MUC6: variants seen among roughly 807,000 people sequenced by gnomAD.
The protein encoded by MUC6 is mucin-6.
In MUC6, 188 loss-of-function variants were observed where a neutral mutation model predicts 201.5. The observed-to-expected ratio is 0.93, with a 90% CI of 0.83 to 1.05. MUC6 has a LOEUF of 1.05. MUC6 is among the 50% of genes least tolerant of loss of function. MUC6 has a pLI of 0.00. For synonymous variants in MUC6, 1,228 were observed against 1,389.4 expected, an observed-to-expected ratio of 0.88 and a Z score of 2.58; for missense variants, 2,706 against 3,256.9, an observed-to-expected ratio of 0.83 and a Z score of 4.12.
Position 1,030,949 on chromosome 11 carries a change from G to A in MUC6, c.682C>T (p.His228Tyr). 2 of 1,570,118 alleles carry A rather than the reference G, an allele frequency of 1.3e-6. No homozygotes were observed. The highest frequency in any genetic ancestry group is 1.2e-5 in the South Asian group (1 of 85,368). ...IPSTHVRQAQ[H>Y]ARICTQLLTL... Reference sequence around the variant, plus strand: ...CCACCTGGAGCCCCCTTGCTTACGTGCTGGGCCTGCCGGACGTGGGTGCTG... The same window carrying A: ...CCACCTGGAGCCCCCTTGCTTACGTACTGGGCCTGCCGGACGTGGGTGCTG... The change falls in exon 6 of 33, where the codon CAC (histidine) becomes TAC (tyrosine). Residue 228 changes from histidine to tyrosine, a missense_variant and splice_region_variant. His to Tyr is a moderately conservative substitution (Grantham distance 83). Coordinates refer to ENST00000421673, the MANE Select transcript of MUC6 (RefSeq NM_005961.3).
intron 31 of MUC6, among the ~76,000 whole-genome samples, chr11:1,014,222 G>A (rs1856549885): frequency 1.3e-5 from 2 of 152,248 alleles, no homozygotes; most frequent in Admixed American, 1.3e-4. Flanking sequence ...TCGCTCTGCT[G>A]GAGTCCATAA....
In MUC6 at chr11:1,020,701, G is replaced by T; in HGVS notation, c.3623C>A (p.Pro1208Gln). The stretch of plus-strand genomic sequence containing the variant: ...GCAATTACCTGTGGTGGGCAGCTGC[G>T]GCGTGGTGGGTGGCTGCGGCGTGGT... ...PPTTPQPPTTPQLPTTGSRPT... is the reference protein window; with the variant it reads ...PPTTPQPPTTQQLPTTGSRPT... The change falls in exon 28 of 33, where the codon CCG (proline) becomes CAG (glutamine). Residue 1208 changes from proline (P) to glutamine (Q), a missense_variant. Pro to Gln is a moderately conservative substitution (Grantham distance 76, BLOSUM62 -1). This residue lies in a region of MUC6 where 1,850 missense variants were observed against 1,958.3 expected (regional missense o/e 0.94). Coordinates refer to ENST00000421673, the MANE Select transcript of MUC6 (RefSeq NM_005961.3). 1 of 1,613,394 alleles carries T rather than the reference G, an allele frequency of 6.2e-7. No individual in the cohort carries two copies.
At position 1,024,927 on chromosome 11, in the gene MUC6, T is replaced by G. The variant is rs763788640; in HGVS notation, c.3142A>C (p.Ser1048Arg). ...CAGGAGCGCCGGAAGGCATTGAGACTGCAGGGGTCTGTCACGAAGCTCACG... is the reference window on the plus strand; with the variant it reads ...CAGGAGCGCCGGAAGGCATTGAGACGGCAGGGGTCTGTCACGAAGCTCACG... ...GDVSFVTDPC[S>R]LNAFRRSWAE... Residue 1048 changes from serine (S) to arginine (R), a missense_variant, in exon 24 of 33, where the codon AGT becomes CGT. Around this residue, in one of 10 missense-constraint regions of MUC6, gnomAD observed 1,850 missense variants for 1,958.3 expected, o/e 0.94. Transcript: ENST00000421673. 3.7e-5 allele frequency: 59 copies of G among 1,612,818 alleles called. No homozygotes were observed. Among genetic ancestry groups the G allele is most frequent in the Admixed American group, 1.5e-4 (9 of 60,008 alleles).
Position 1,033,132 on chromosome 11 carries a change from C to T in MUC6, c.53-57G>A, listed in dbSNP as rs377219398. On this transcript the variant is annotated intron_variant, in intron 1 of 32. Coordinates refer to ENST00000421673, the MANE Select transcript of MUC6 (RefSeq NM_005961.3). The surrounding 1 kb of genome is among the most constrained non-coding windows in gnomAD (Gnocchi z 5.6). ...GCTACCCCGTCGTCCCTGAGGGCGCCGCTCACCTCTGCTCAGGGCTGCTCC... is the reference window on the plus strand; with the variant it reads ...GCTACCCCGTCGTCCCTGAGGGCGCTGCTCACCTCTGCTCAGGGCTGCTCC... 1.8e-4 allele frequency: 283 copies of T among 1,535,876 alleles called. No homozygotes were observed. The Middle Eastern group carries it at 2.4e-3, about 13-fold the overall frequency.
intron 29 of MUC6, among the ~76,000 whole-genome samples, chr11:1,019,727 G>A (rs1856765741): frequency 6.6e-6 from 1 of 152,142 alleles, no homozygotes; most frequent in African/African-American, 2.4e-5. Flanking sequence ...CTGCTCCTGC[G>A]CCCACCCTTG....
chr11:1,018,629 G>A lies in MUC6; in HGVS notation c.4172C>T (p.Thr1391Ile), dbSNP rs763396011. ...TRPTATETTQ[T>I]RTTTEYTTPQ... ...CGTTGTGTATTCAGTAGTCGTTCTT[G>A]TTTGAGTGGTCTCTGTGGCTGTGGG... The change falls in exon 31 of 33, where the codon ACA becomes ATA. Residue 1391 changes from threonine to isoleucine, a missense_variant. Around this residue, in one of 10 missense-constraint regions of MUC6, gnomAD observed 1,850 missense variants for 1,958.3 expected, o/e 0.94. Coordinates refer to ENST00000421673, the MANE Select transcript of MUC6 (RefSeq NM_005961.3). 6.2e-7 allele frequency: 1 copy of A among 1,613,364 alleles called. No homozygotes were observed.
In MUC6 at chr11:1,036,700, T is replaced by G. The variant is rs1225481363; in HGVS notation, c.-45A>C. 26 of 1,536,982 alleles carry G rather than the reference T, an allele frequency of 1.7e-5. No homozygotes were observed. Among genetic ancestry groups the G allele is most frequent in the Non-Finnish European group, 2.2e-5 (25 of 1,142,456 alleles). On this transcript the variant is annotated 5_prime_UTR_variant, in exon 1 of 33. Transcript: ENST00000421673. ...CTCGCGCTGGGCCCGGCAGGCCTGC[T>G]GCTGCCATCCATGCGGCTCCAACGG...
rs1402182466 is a variant in MUC6 at position 1,026,058 on chromosome 11, A to T, written c.2630T>A (p.Ile877Asn). The change falls in exon 21 of 33, where the codon ATC (isoleucine) becomes AAC (asparagine). Residue 877 changes from isoleucine (I) to asparagine (N), a missense_variant. By Grantham distance (149) the Ile-to-Asn change is moderately radical. Coordinates refer to ENST00000421673, the MANE Select transcript of MUC6 (RefSeq NM_005961.3). ...TCTLYGEGHV[I>N]TFDGQRFVFD... ...TACGAAGCGCTGGCCGTCGAAGGTG[A>T]TGACGTGGCCCTCCCCGTAGAGGGT... 1 of 1,595,106 alleles carries T rather than the reference A, an allele frequency of 6.3e-7. No homozygotes were observed. Among genetic ancestry groups the T allele is most frequent in the Admixed American group, 1.7e-5 (1 of 57,470 alleles).
chr11:1,030,181 CG>C, intron 8 of MUC6, 31 bp downstream of exon 8: 2 of 1,543,098 alleles, frequency 1.3e-6, no homozygotes, highest in Non-Finnish European at 8.7e-7. Context: ...CTAGGGGTCC[CG>C]GGGAGAGAGA....
chr11:1,030,370 A>ACCCCCCCCCCCCCCCCCTGC, intron 7 of MUC6, 35 bp from the exon 8 acceptor site: 1 of 992,836 alleles, frequency 1.0e-6, no homozygotes, highest in South Asian at 1.8e-5. Context: ...AGAGGGTCCC[A>ACCCCCCCCCCCCCCCCCTGC]CCCCCCCCAC....
rs1018312682 is a variant in MUC6 at position 1,031,844 on chromosome 11, T to C, written c.325A>G (p.Ser109Gly). Residue 109 changes from serine (S) to glycine (G), a missense_variant, in exon 3 of 33, where the codon AGC becomes GGC. By Grantham distance (56) the Ser-to-Gly change is moderately conservative. This residue lies in a region of MUC6 where 1,850 missense variants were observed against 1,958.3 expected (regional missense o/e 0.94). Coordinates refer to ENST00000421673, the MANE Select transcript of MUC6 (RefSeq NM_005961.3). Reference sequence around the variant, plus strand: ...TCCTTGACTGAGATGATGGCTTCGCTCACAGTGACGACGGAGGCCCCCAGC... The same window carrying C: ...TCCTTGACTGAGATGATGGCTTCGCCCACAGTGACGACGGAGGCCCCCAGC... ...VELGASVVTV[S>G]EAIISVKDIG... is the part of the protein sequence containing the mutation. 1 of 1,611,686 alleles carries C rather than the reference T, an allele frequency of 6.2e-7. No homozygotes were observed. Among genetic ancestry groups the C allele is most frequent in the Admixed American group, 1.7e-5 (1 of 59,882 alleles).
At chr11:1,035,685 CT>C (rs1322018529) in intron 1 of MUC6, among the ~76,000 whole-genome samples, 1 of 152,012 alleles carries the variant, frequency 6.6e-6, no homozygotes, top group Non-Finnish European at 1.5e-5. Context: ...TGGGACACCC[CT>C]GGGGGGGTCC....
Position 1,030,340 on chromosome 11 carries a change from G to A in MUC6, c.893-5C>T, listed in dbSNP as rs1428645186. 1 of 1,547,174 alleles carries A rather than the reference G, an allele frequency of 6.5e-7. No homozygotes were observed. Among genetic ancestry groups the A allele is most frequent in the Admixed American group, 2.0e-5 (1 of 50,956 alleles). On this transcript the variant is annotated splice_polypyrimidine_tract_variant and splice_region_variant and intron_variant, in intron 7 of 32. Transcript: ENST00000421673. ...TGGCCGGGCACTGACCCACGGCTGT[G>A]GGCACACGCGGCTCCGGTGAGAGGG... is the stretch of plus-strand genomic sequence containing the variant.
intron 19 of MUC6, 39 bp downstream of exon 19, chr11:1,026,902 G>T: frequency 1.3e-6 from 2 of 1,502,440 alleles, no homozygotes; most frequent in East Asian, 2.5e-5. Flanking sequence ...GTTCAGCTGG[G>T]GCCCGGGCAT....
chr11:1,032,618 G>A (rs533495427), intron 2 of MUC6, among the ~76,000 whole-genome samples: 121 of 151,490 alleles, frequency 8.0e-4, no homozygotes, highest in Admixed American at 2.4e-3. Context: ...TAAGTCGTGC[G>A]TGTTGTAAGT....
rs201359883 is a variant in MUC6 at position 1,013,942 on chromosome 11, C to G, written c.7099G>C (p.Val2367Leu). 2 of 1,608,886 alleles carry G rather than the reference C, an allele frequency of 1.2e-6. No individual in the cohort carries two copies. The highest frequency in any genetic ancestry group is 1.3e-5 in the African/African-American group (1 of 74,880). The change falls in exon 32 of 33, where the codon GTG (valine) becomes CTG (leucine). Residue 2367 changes from valine (V) to leucine (L), a missense_variant. Val to Leu is a conservative substitution (Grantham distance 32). Transcript: ENST00000421673. ...EITFKGCMAN[V>L]TVTRCEGACI... is the part of the protein sequence containing the mutation. ...GCGCCCTCACAGCGGGTTACCGTCACGTTCGCCATGCACCCCTTGAACGTG... is the reference window on the plus strand; with the variant it reads ...GCGCCCTCACAGCGGGTTACCGTCAGGTTCGCCATGCACCCCTTGAACGTG...
At position 1,027,995 on chromosome 11, in the gene MUC6, G is replaced by A. The variant is rs778486663; in HGVS notation, c.1818C>T (p.His606=). 122 of 1,584,730 alleles carry A rather than the reference G, an allele frequency of 7.7e-5. 1 individual carries two copies. The Admixed American group carries it at 1.8e-3, about 24-fold the overall frequency. ...AGAAGGGTGCAGGGTTCACTGTGGC[G>A]TGGCACCTCTCGAACACCGTGCCTG... ...LRTGTVFERC[H]ATVNPAPFYK... is the part of the protein sequence containing the mutation. The change falls in exon 15 of 33, where the codon CAC becomes CAT. Residue 606 remains histidine (H), a synonymous_variant. Transcript: ENST00000421673.
Position 1,028,898 on chromosome 11 carries a change from A to G in MUC6, c.1444T>C (p.Tyr482His), listed in dbSNP as rs372402547. ...CTGGGCCAGGACGTACGAGTCTTGT[A>G]TGGCAGCCACTTGGCTTCTCCGTTG... ...TNNGEAKWLP[Y>H]KTRNITVFRQ... The change falls in exon 12 of 33, where the codon TAC becomes CAC. Residue 482 changes from tyrosine to histidine, a missense_variant. Physicochemically the swap from Tyr to His is moderately conservative, Grantham distance 83. Around this residue, in one of 10 missense-constraint regions of MUC6, gnomAD observed 1,850 missense variants for 1,958.3 expected, o/e 0.94. Transcript: ENST00000421673. The G allele has an allele frequency of 9.3e-6, 15 of 1,612,474 alleles. No homozygotes were observed. Among genetic ancestry groups the G allele is most frequent in the Non-Finnish European group, 1.3e-5 (15 of 1,179,902 alleles).
At chr11:1,022,764 T>A (rs965814082) in intron 26 of MUC6, among the ~76,000 whole-genome samples, 2 of 152,176 alleles carry the variant, frequency 1.3e-5, no homozygotes, top group Non-Finnish European at 2.9e-5. Context: ...TGTGAAAGAA[T>A]GAATGTGCAA....
Sources: gnomAD v4.1 joint callset for allele counts (sites outside exome capture counted in the v4.1 genomes callset) on GRCh38, gnomAD v4.1.1 for gene constraint, gnomAD v4.1.1 regional missense constraint, Gnocchi (gnomAD v3.1) non-coding constraint, MANE v1.5 for transcripts, NCBI Gene and HGNC (gene_info 2026-07-23, HGNC 2026-07-21) for gene names.